The following PCDH9 variants were observed in gnomAD, a reference collection of about 807,000 sequenced individuals.
PCDH9 encodes protocadherin 9, also known as protocadherin-9.
A neutral mutation model predicts 70.6 loss-of-function variants in PCDH9; 24 were observed. That is an observed-to-expected ratio of 0.34 (90% CI 0.25 to 0.48). The LOEUF is 0.48. Ranked by LOEUF, PCDH9 falls within the 20% of genes least tolerant of loss-of-function variation. PCDH9 has a pLI of 0.99. For synonymous variants in PCDH9, 562 were observed against 558.5 expected (o/e 1.01, Z -0.09); for missense variants, 1,281 against 1,503.6 (o/e 0.85, Z 2.45).
chr13:66,462,793 C>T (rs777588538), intron 4 of PCDH9, among the ~76,000 whole-genome samples: 7 of 151,618 alleles, frequency 4.6e-5, no homozygotes, highest in East Asian at 1.9e-4. Context: ...GTCCCCAAAG[C>T]GTGCTCATTA....
chr13:66,656,882 G>A (rs570056884), intron 3 of PCDH9, among the ~76,000 whole-genome samples: 21 of 152,222 alleles, frequency 1.4e-4, no homozygotes, highest in Non-Finnish European at 2.5e-4. Flanking sequence ...ATTCCAAGAC[G>A]CTTGCTATTT....
intron 2 of PCDH9, among the ~76,000 whole-genome samples, chr13:66,992,776 C>T (rs1009664923): frequency 6.6e-6 from 1 of 151,940 alleles, no homozygotes; most frequent in African/African-American, 2.4e-5. Flanking sequence ...GAAAACAGGC[C>T]ACAGAATTTC....
chr13:66,355,094 T>C (rs1566264833), intron 4 of PCDH9, among the ~76,000 whole-genome samples: 1 of 152,082 alleles, frequency 6.6e-6, no homozygotes, highest in South Asian at 2.1e-4. Context: ...GGTTAAGTTT[T>C]CCCAATTCAG....
chr13:66,737,674 C>T (rs112341545), intron 3 of PCDH9, among the ~76,000 whole-genome samples: 6 of 152,184 alleles, frequency 3.9e-5, no homozygotes, highest in Non-Finnish European at 8.8e-5. Context: ...CAAGGCATTG[C>T]CTCACCTGGG....
chr13:66,922,910 T>G (rs1420284653), intron 2 of PCDH9, among the ~76,000 whole-genome samples: 1 of 151,476 alleles, frequency 6.6e-6, no homozygotes, highest in East Asian at 1.9e-4. Context: ...CATTATATTA[T>G]TAATTTTTTA....
chr13:66,622,615 G>C (rs1365346234), intron 4 of PCDH9, among the ~76,000 whole-genome samples: 1 of 152,126 alleles, frequency 6.6e-6, no homozygotes, highest in East Asian at 1.9e-4. Flanking sequence ...TGGACACTCT[G>C]TATCTAGCTA....
chr13:66,367,572 G>A (rs1219876810), intron 4 of PCDH9, among the ~76,000 whole-genome samples: 1 of 152,040 alleles, frequency 6.6e-6, no homozygotes, highest in Non-Finnish European at 1.5e-5. Context: ...AAAATTCTGG[G>A]TTCAAAGGTG....
chr13:67,013,007 C>T (rs1339013769), intron 2 of PCDH9, among the ~76,000 whole-genome samples: 2 of 151,852 alleles, frequency 1.3e-5, no homozygotes, highest in African/African-American at 4.8e-5. Flanking sequence ...TCAATGTGTG[C>T]ATGTGTGTGT....
At chr13:66,360,350 A>G (rs1244960922) in intron 4 of PCDH9, among the ~76,000 whole-genome samples, 1 of 152,098 alleles carries the variant, frequency 6.6e-6, no homozygotes, top group Non-Finnish European at 1.5e-5. Flanking sequence ...GCAAAACGAA[A>G]CTCACACCAA....
intron 4 of PCDH9, among the ~76,000 whole-genome samples, chr13:66,371,508 G>A (rs1027650276): frequency 3.9e-5 from 6 of 152,016 alleles, no homozygotes; most frequent in Non-Finnish European, 8.8e-5. Flanking sequence ...GGAGGGGTAT[G>A]TATTGAGGTA....
intron 3 of PCDH9, among the ~76,000 whole-genome samples, chr13:66,720,862 A>G (rs572254939): frequency 1.4e-3 from 213 of 152,296 alleles, no homozygotes; most frequent in African/African-American, 4.8e-3. Flanking sequence ...TGATAATTGT[A>G]TAGTCTGGGT....
intron 3 of PCDH9, among the ~76,000 whole-genome samples, chr13:66,668,111 A>G (rs2078121322): frequency 6.6e-6 from 1 of 152,148 alleles, no homozygotes; most frequent in Admixed American, 6.5e-5. Flanking sequence ...TGTAGATTCT[A>G]CAGTTTGAAT....
intron 4 of PCDH9, among the ~76,000 whole-genome samples, chr13:66,622,525 G>A (rs1022393706): frequency 3.3e-5 from 5 of 152,156 alleles, no homozygotes; most frequent in South Asian, 4.1e-4. Context: ...AACACCCTGT[G>A]TCTAGCTCAG....
At chr13:66,352,368 G>A (rs558715936) in intron 4 of PCDH9, among the ~76,000 whole-genome samples, 11 of 152,116 alleles carry the variant, frequency 7.2e-5, no homozygotes, top group Non-Finnish European at 1.3e-4. Flanking sequence ...TGCCTGCTTG[G>A]ACTGTCATAA....
At chr13:66,630,199 T>C (rs966620390) in intron 4 of PCDH9, among the ~76,000 whole-genome samples, 1 of 152,166 alleles carries the variant, frequency 6.6e-6, no homozygotes, top group African/African-American at 2.4e-5. Context: ...TTATAATTAC[T>C]ATTTTTATTA....
At chr13:67,048,930 T>C (rs1473294997) in intron 2 of PCDH9, among the ~76,000 whole-genome samples, 2 of 152,190 alleles carry the variant, frequency 1.3e-5, no homozygotes, top group African/African-American at 4.8e-5. Context: ...TGGAAGACAT[T>C]ACAACACTGA....
chr13:66,481,942 G>GCACACACACA (rs10611896), intron 4 of PCDH9, among the ~76,000 whole-genome samples: 7 of 148,616 alleles, frequency 4.7e-5, no homozygotes, highest in African/African-American at 1.7e-4. Context: ...ACACATGCAC[G>GCACACACACA]CACACACACA....
chr13:66,590,900 TA>T (rs1434927001), intron 4 of PCDH9, among the ~76,000 whole-genome samples: 12 of 151,810 alleles, frequency 7.9e-5, no homozygotes, highest in Non-Finnish European at 1.5e-4. Flanking sequence ...ATATATAATT[TA>T]ACACAAAGTT....
intron 2 of PCDH9, among the ~76,000 whole-genome samples, chr13:66,934,631 A>G (rs1417106150): frequency 4.1e-5 from 6 of 147,968 alleles, no homozygotes; most frequent in Admixed American, 1.3e-4. Context: ...GAATAGTTGT[A>G]TGCTGAGGAA....
Sources: allele counts gnomAD v4.1 joint callset (sites outside exome capture counted in the v4.1 genomes callset), GRCh38; gene constraint gnomAD v4.1.1; transcripts MANE v1.5; gene names NCBI Gene and HGNC (gene_info 2026-07-23, HGNC 2026-07-21).